Variants in PKIG observed in about 807,000 individuals in gnomAD.
The protein encoded by PKIG is protein kinase (cAMP-dependent, catalytic) inhibitor gamma.
Under a neutral mutation model 6.8 loss-of-function variants are expected in PKIG, and 1 was observed. That is an observed-to-expected ratio of 0.15 (90% CI 0.05 to 0.69). The LOEUF is 0.69. Among genes scored for constraint, PKIG ranks in the 30% least tolerant of loss-of-function variants. The probability of loss-of-function intolerance (pLI) is 0.82; values close to 1 mark genes in which losing one functional copy is unlikely to be tolerated. For missense variants in PKIG, 77 were observed against 104.0 expected, an observed-to-expected ratio of 0.74 and a Z score of 1.13; for synonymous variants, 39 against 43.0, an observed-to-expected ratio of 0.91 and a Z score of 0.36.
At chr20:44,567,550 A>G (rs1034481891) in intron 1 of PKIG, among the ~76,000 whole-genome samples, 5 of 151,952 alleles carry the variant, frequency 3.3e-5, no homozygotes, top group East Asian at 3.8e-4. Context: ...GGCCATTCCT[A>G]TCATCAGGTG....
intron 1 of PKIG, among the ~76,000 whole-genome samples, chr20:44,548,706 G>A (rs1253491036): frequency 6.6e-6 from 1 of 152,048 alleles, no homozygotes; most frequent in South Asian, 2.1e-4. Flanking sequence ...AGATAGCTCT[G>A]TCATCCACAC....
intron 1 of PKIG, among the ~76,000 whole-genome samples, chr20:44,544,925 C>CTTTTTTTTTTTTTTTTTTTTTTTT (rs796482642): frequency 1.1e-4 from 7 of 64,388 alleles, no homozygotes; most frequent in African/African-American, 2.2e-4. Flanking sequence ...TTCCTTCTTT[C>CTTTTTTTTTTTTTTTTTTTTTTTT]TTTTTTTTTT....
At chr20:44,555,153 A>G (rs562337850) in intron 1 of PKIG, among the ~76,000 whole-genome samples, 7 of 152,350 alleles carry the variant, frequency 4.6e-5, no homozygotes, top group Non-Finnish European at 7.3e-5. Flanking sequence ...GAAAAAAGAA[A>G]AGATACTATC....
intron 2 of PKIG, among the ~76,000 whole-genome samples, chr20:44,610,597 T>C (rs749242067): frequency 3.3e-5 from 5 of 151,752 alleles, no homozygotes; most frequent in Admixed American, 6.6e-5. Flanking sequence ...GTCAGCTACC[T>C]TCTAAAAGCA....
chr20:44,574,387 A>C (rs979956528), intron 1 of PKIG, among the ~76,000 whole-genome samples: 26 of 152,254 alleles, frequency 1.7e-4, no homozygotes, highest in South Asian at 6.2e-4. Context: ...AACATGTACA[A>C]AACTAGAAAG....
At chr20:44,572,902 A>G (rs1191533582) in intron 1 of PKIG, among the ~76,000 whole-genome samples, 2 of 152,104 alleles carry the variant, frequency 1.3e-5, no homozygotes, top group African/African-American at 4.8e-5. Context: ...CCCCTATGCA[A>G]CCTGATGTAC....
In PKIG at chr20:44,603,846, C is replaced by A. The variant is rs575392939; in HGVS notation, c.-23-10688C>A. ...ACTCAGGAGAGAAAAGACTGTAGAC[C>A]CATGTGTTAGGGCATATTAGTAATC... On this transcript the variant is annotated intron_variant, in intron 2 of 3. Transcript: ENST00000372886. 2.0e-4 allele frequency among the ~76,000 whole-genome samples: 31 copies of A among 152,130 alleles called. 1 individual carries two copies. Among genetic ancestry groups the A allele is most frequent in the Non-Finnish European group, 4.3e-4 (29 of 68,030 alleles).
intron 1 of PKIG, among the ~76,000 whole-genome samples, chr20:44,552,031 A>G (rs1406274037): frequency 1.3e-5 from 2 of 152,216 alleles, no homozygotes; most frequent in Non-Finnish European, 2.9e-5. Flanking sequence ...AAGGGACTTG[A>G]AGCAGACTCA....
At chr20:44,583,515 C>T (rs1482976273) in intron 1 of PKIG, among the ~76,000 whole-genome samples, 1 of 151,714 alleles carries the variant, frequency 6.6e-6, no homozygotes, top group East Asian at 1.9e-4. Context: ...AGGAGGATTC[C>T]TAGGTGGCTT....
intron 2 of PKIG, among the ~76,000 whole-genome samples, chr20:44,602,096 G>A (rs1260183095): frequency 6.6e-6 from 1 of 152,206 alleles, no homozygotes; most frequent in Admixed American, 6.5e-5. Flanking sequence ...TCAATCACAT[G>A]TCTGGCAATC....
At chr20:44,604,361 T>G (rs2065146327) in intron 2 of PKIG, among the ~76,000 whole-genome samples, 1 of 152,154 alleles carries the variant, frequency 6.6e-6, no homozygotes, top group South Asian at 2.1e-4. Flanking sequence ...TTTGTTGATA[T>G]CCTCCGGGAG....
At position 44,614,864 on chromosome 20, in the gene PKIG, C is replaced by A; in HGVS notation, c.151+157C>A. 1.4e-6 allele frequency: 1 copy of A among 725,840 alleles called. No individual in the cohort carries two copies. The allele number at this position is 725,840 out of a possible 1,614,324, so 45.0% of individuals were successfully genotyped here. ...GGTCAGTGGCAGAGTCCAGCAATCT[C>A]TAGGTTGGAAGATGTTTGAGTCTCA... On this transcript the variant is annotated intron_variant, in intron 3 of 3. Transcript: ENST00000372886. The surrounding 1 kb of genome is among the most constrained non-coding windows in gnomAD (Gnocchi z 4.6).
intron 3 of PKIG, among the ~76,000 whole-genome samples, chr20:44,615,748 C>T (rs2065258923): frequency 6.6e-6 from 1 of 152,116 alleles, no homozygotes; most frequent in South Asian, 2.1e-4. Context: ...AGTCTTCTTG[C>T]CCCTCACTGG....
chr20:44,537,581 CT>C (rs1218503545), intron 1 of PKIG, among the ~76,000 whole-genome samples: 316 of 142,058 alleles, frequency 2.2e-3, no homozygotes, highest in African/African-American at 2.3e-3. Flanking sequence ...AATATACTTA[CT>C]TTTTTTTTTT....
Position 44,614,443 on chromosome 20 carries a change from G to A in PKIG, c.-23-91G>A. Reference sequence around the variant, plus strand: ...AATAAGAGGCAATAACTGTCATTTTGACAGAAGCCACTGTGCTGGGGAACT... The same window carrying A: ...AATAAGAGGCAATAACTGTCATTTTAACAGAAGCCACTGTGCTGGGGAACT... On this transcript the variant is annotated intron_variant, in intron 2 of 3. Coordinates refer to ENST00000372886, the MANE Select transcript of PKIG (RefSeq NM_001281445.2). The surrounding 1 kb of genome is among the most constrained non-coding windows in gnomAD (Gnocchi z 4.6). 1 of 893,636 alleles carries A rather than the reference G, an allele frequency of 1.1e-6. No individual in the cohort carries two copies. The highest frequency in any genetic ancestry group is 1.7e-6 in the Non-Finnish European group (1 of 580,114). The allele number at this position is 893,636 out of a possible 1,614,324, so 55.4% of individuals were successfully genotyped here. A position where few individuals can be genotyped will look rare whatever the true frequency, so the allele number is the denominator to read the frequency against.
At chr20:44,539,644 T>G (rs1214156794) in intron 1 of PKIG, among the ~76,000 whole-genome samples, 1 of 151,272 alleles carries the variant, frequency 6.6e-6, no homozygotes, top group Non-Finnish European at 1.5e-5. Context: ...GTCTTGAACT[T>G]CTGACCTCAG....
At chr20:44,585,769 C>T (rs73615491) in intron 1 of PKIG, among the ~76,000 whole-genome samples, 1,750 of 152,336 alleles carry the variant, frequency 0.011, 17 homozygotes, top group East Asian at 0.065. Context: ...TTACCATTTG[C>T]GCATTCCCCT....
intron 1 of PKIG, among the ~76,000 whole-genome samples, chr20:44,540,077 C>G (rs2064547394): frequency 1.3e-5 from 2 of 152,152 alleles, no homozygotes; most frequent in Non-Finnish European, 2.9e-5. Context: ...TCTCCTGCCT[C>G]AGCCTCCTGA....
upstream of PKIG, among the ~76,000 whole-genome samples, chr20:44,578,897 C>T (rs545903952): frequency 6.6e-6 from 1 of 152,182 alleles, no homozygotes; most frequent in African/African-American, 2.4e-5. Flanking sequence ...TACAACCAGG[C>T]ACGGTGGCTC....
Sources: allele counts gnomAD v4.1 joint callset (sites outside exome capture counted in the v4.1 genomes callset), GRCh38; gene constraint gnomAD v4.1.1; non-coding constraint Gnocchi (gnomAD v3.1); transcripts MANE v1.5; gene names NCBI Gene and HGNC (gene_info 2026-07-23, HGNC 2026-07-21).